Variants in RBFOX1 observed in about 807,000 individuals in gnomAD.
The protein encoded by RBFOX1 is RNA binding protein fox-1 homolog 1.
A neutral mutation model predicts 57.7 loss-of-function variants in RBFOX1; 8 were observed. That is an observed-to-expected ratio of 0.14 (90% CI 0.08 to 0.25). The LOEUF is 0.25. Among genes scored for constraint, RBFOX1 ranks in the 10% least tolerant of loss-of-function variants. RBFOX1 has a pLI of 1.00. For synonymous variants in RBFOX1, 326 were observed against 222.4 expected, an observed-to-expected ratio of 1.47 and a Z score of -4.15; for missense variants, 611 against 548.5, an observed-to-expected ratio of 1.11 and a Z score of -1.14.
At chr16:6,794,679 C>G (rs538925290) in intron 3 of RBFOX1, among the ~76,000 whole-genome samples, 15 of 152,242 alleles carry the variant, frequency 9.9e-5, no homozygotes, top group Admixed American at 7.8e-4. Flanking sequence ...ACTTATGGTT[C>G]CAATGTATGC....
chr16:5,744,717 C>G (rs2052906574), intron 3 of RBFOX1, among the ~76,000 whole-genome samples: 4 of 152,114 alleles, frequency 2.6e-5, no homozygotes, highest in Admixed American at 2.6e-4. Context: ...AAATGGTGGT[C>G]ATTTTCTTGT....
At chr16:7,304,419 G>A in intron 4 of RBFOX1, 1 of 985,394 alleles carries the variant, frequency 1.0e-6, no homozygotes, top group Non-Finnish European at 1.2e-6. Flanking sequence ...CCACCTGCGT[G>A]GCGCTCCCCA....
At chr16:5,515,459 T>C (rs1597368554) in intron 2 of RBFOX1, among the ~76,000 whole-genome samples, 1 of 152,190 alleles carries the variant, frequency 6.6e-6, no homozygotes, top group South Asian at 2.1e-4. Context: ...CCCAGGAGCC[T>C]TCTATCTTAT....
intron 4 of RBFOX1, among the ~76,000 whole-genome samples, chr16:7,210,337 A>G (rs1010612734): frequency 1.3e-5 from 2 of 152,172 alleles, no homozygotes; most frequent in African/African-American, 4.8e-5. Flanking sequence ...GCAGGAGCTG[A>G]CAGCGTGGAC....
At chr16:6,561,551 G>A (rs887087807) in intron 2 of RBFOX1, among the ~76,000 whole-genome samples, 2 of 152,206 alleles carry the variant, frequency 1.3e-5, no homozygotes, top group African/African-American at 4.8e-5. Flanking sequence ...AAAGGAAGAT[G>A]TGTGATTTTT....
Position 7,668,990 on chromosome 16 carries a change from C to T in RBFOX1, c.930+4022C>T, listed in dbSNP as rs113964605. 4.6e-4 allele frequency among the ~76,000 whole-genome samples: 70 copies of T among 152,286 alleles called. No homozygotes were observed. The East Asian group carries it at 7.4e-3, about 16-fold the overall frequency. ...ACGATCTCAGCTCACTTGCAACCTC[C>T]GCTTCCAGGGTTCAAGGGACTCTTC... On this transcript the variant is annotated intron_variant, in intron 13 of 15. Transcript: ENST00000550418.
At chr16:6,233,810 C>G (rs1344654786) in intron 1 of RBFOX1, among the ~76,000 whole-genome samples, 2 of 152,132 alleles carry the variant, frequency 1.3e-5, no homozygotes, top group Admixed American at 1.3e-4. Context: ...TCCATGTTCT[C>G]TGTCACTAAA....
intron 5 of RBFOX1, among the ~76,000 whole-genome samples, chr16:7,565,536 G>A (rs538439519): frequency 3.2e-4 from 49 of 152,230 alleles, no homozygotes; most frequent in Non-Finnish European, 6.0e-4. Flanking sequence ...AAATTCACTC[G>A]GCGCCCAGCA....
intron 4 of RBFOX1, among the ~76,000 whole-genome samples, chr16:7,432,753 G>A (rs1358142963): frequency 6.6e-6 from 1 of 152,178 alleles, no homozygotes; most frequent in Non-Finnish European, 1.5e-5. Context: ...CCAGCTGATG[G>A]CCTTTTCTGT....
chr16:6,558,095 A>G (rs1268851023), intron 2 of RBFOX1, among the ~76,000 whole-genome samples: 1 of 152,164 alleles, frequency 6.6e-6, no homozygotes, highest in Non-Finnish European at 1.5e-5. Context: ...ATTAATATTA[A>G]GTTATTATGT....
chr16:7,136,740 A>C (rs956934317), intron 4 of RBFOX1, among the ~76,000 whole-genome samples: 5 of 152,174 alleles, frequency 3.3e-5, no homozygotes, highest in Non-Finnish European at 5.9e-5. Context: ...ATTATCGGAT[A>C]GTGCTAGGCC....
chr16:5,506,302 G>T (rs2043375856), intron 2 of RBFOX1, among the ~76,000 whole-genome samples: 1 of 152,230 alleles, frequency 6.6e-6, no homozygotes, highest in Non-Finnish European at 1.5e-5. Flanking sequence ...TTGGCAGCCT[G>T]CAGGCACAGA....
At chr16:6,712,218 C>T (rs2154152669) in intron 3 of RBFOX1, among the ~76,000 whole-genome samples, 1 of 152,260 alleles carries the variant, frequency 6.6e-6, no homozygotes, top group African/African-American at 2.4e-5. Context: ...CTATGGTCAG[C>T]AAGGTTAAAA....
chr16:7,694,024 T>A (rs796734378), intron 14 of RBFOX1, among the ~76,000 whole-genome samples: 38 of 152,296 alleles, frequency 2.5e-4, no homozygotes, highest in African/African-American at 9.1e-4. Context: ...AACACCTGTC[T>A]TTTTTCTTTG....
chr16:6,074,271 C>A (rs552566014), intron 1 of RBFOX1, among the ~76,000 whole-genome samples: 186 of 152,264 alleles, frequency 1.2e-3, no homozygotes, highest in African/African-American at 4.3e-3. Context: ...CTCTCTCCCC[C>A]TCTCTGTTTC....
chr16:6,677,550 A>C (rs1379337248), intron 3 of RBFOX1, among the ~76,000 whole-genome samples: 1 of 152,220 alleles, frequency 6.6e-6, no homozygotes, highest in Non-Finnish European at 1.5e-5. Context: ...ATTAAATAAA[A>C]ATTAAGCCCG....
intron 4 of RBFOX1, among the ~76,000 whole-genome samples, chr16:7,140,150 T>TCTCTC (rs2073283489): frequency 3.8e-5 from 2 of 52,586 alleles, no homozygotes; most frequent in Non-Finnish European, 4.0e-5. Flanking sequence ...TATTCTCTCC[T>TCTCTC]TCTCTCCCTC....
intron 2 of RBFOX1, among the ~76,000 whole-genome samples, chr16:6,327,221 G>GT (rs1446747213): frequency 6.6e-6 from 1 of 151,998 alleles, no homozygotes; most frequent in Non-Finnish European, 1.5e-5. Context: ...CTTAAGCATT[G>GT]TTTTTTATTC....
intron 1 of RBFOX1, among the ~76,000 whole-genome samples, chr16:6,178,766 T>A (rs952960380): frequency 6.6e-6 from 1 of 152,174 alleles, no homozygotes; most frequent in Non-Finnish European, 1.5e-5. Context: ...AATATCTGTG[T>A]TTACTTATGT....
Sources: gnomAD v4.1 joint callset for allele counts (sites outside exome capture counted in the v4.1 genomes callset) on GRCh38, gnomAD v4.1.1 for gene constraint, MANE v1.5 for transcripts, NCBI Gene and HGNC (gene_info 2026-07-23, HGNC 2026-07-21) for gene names.